CAST: variants seen among roughly 807,000 people sequenced by gnomAD.
CAST encodes the protein MIR583 host.
In CAST, 76 loss-of-function variants were observed where a neutral mutation model predicts 119.6. The ratio of observed to expected loss-of-function variants is 0.64; its 90% CI spans 0.53 to 0.77. The LOEUF (loss-of-function observed/expected upper bound fraction) is 0.77, where lower values mean the gene tolerates loss of function less well. Ranked by LOEUF, CAST falls within the 30% of genes least tolerant of loss-of-function variation. The pLI, the probability that CAST is intolerant of heterozygous loss-of-function variation, is 0.00. For missense variants in CAST, 953 were observed against 946.5 expected (o/e 1.01, Z -0.09); for synonymous variants, 319 against 331.6 (o/e 0.96, Z 0.41).
chr5:96,108,753 C>G, the CAST span, among the ~76,000 whole-genome samples: 5 of 152,242 alleles, frequency 3.3e-5, no homozygotes, highest in South Asian at 4.1e-4. Context: ...GGGCTCCACC[C>G]AGTTGGAGCT....
At chr5:96,701,805 CAAA>C (rs1259689905) in intron 3 of CAST, among the ~76,000 whole-genome samples, 1 of 123,610 alleles carries the variant, frequency 8.1e-6, no homozygotes. Context: ...AATCCCACCT[CAAA>C]AAAAAAAAAA....
the CAST span, among the ~76,000 whole-genome samples, chr5:96,498,201 G>A: frequency 4.6e-5 from 7 of 152,006 alleles, no homozygotes; most frequent in Admixed American, 2.0e-4. Context: ...TGAGGGCTCT[G>A]TTCTGTTCCA....
At chr5:95,996,409 T>C in the CAST span, among the ~76,000 whole-genome samples, 114 of 152,332 alleles carry the variant, frequency 7.5e-4, no homozygotes, top group Middle Eastern at 3.4e-3. Context: ...TCATCCTCCT[T>C]TGTGCCCACC....
At chr5:96,551,216 C>A (rs1269207950) in intron 1 of CAST, among the ~76,000 whole-genome samples, 6 of 152,250 alleles carry the variant, frequency 3.9e-5, no homozygotes, top group Admixed American at 2.0e-4. Flanking sequence ...AACAGCAGAT[C>A]TCTCTGCAGA....
At chr5:96,207,282 A>C in the CAST span, among the ~76,000 whole-genome samples, 1 of 151,986 alleles carries the variant, frequency 6.6e-6, no homozygotes, top group Non-Finnish European at 1.5e-5. Context: ...TCCTATTTGG[A>C]TGCCTTTTAT....
chr5:96,003,819 G>A, the CAST span, among the ~76,000 whole-genome samples: 1 of 152,180 alleles, frequency 6.6e-6, no homozygotes, highest in African/African-American at 2.4e-5. Context: ...CATTTCCCTT[G>A]TATAGAACAT....
the CAST span, among the ~76,000 whole-genome samples, chr5:96,485,401 C>A: frequency 6.6e-6 from 1 of 152,058 alleles, no homozygotes; most frequent in East Asian, 1.9e-4. Context: ...CTCCCTGATG[C>A]CTAAGATTCT....
intron 1 of CAST, among the ~76,000 whole-genome samples, chr5:96,557,921 C>A (rs547575788): frequency 6.6e-6 from 1 of 152,140 alleles, no homozygotes. Flanking sequence ...AGCACCACAC[C>A]ACACCTATTC....
chr5:96,376,150 A>G, the CAST span, among the ~76,000 whole-genome samples: 1 of 151,100 alleles, frequency 6.6e-6, no homozygotes. Flanking sequence ...AATGCATAAC[A>G]ACATTTCAGC....
chr5:96,620,236 A>G (rs1225324980), intron 1 of CAST, among the ~76,000 whole-genome samples: 7 of 151,672 alleles, frequency 4.6e-5, no homozygotes, highest in Non-Finnish European at 1.0e-4. Context: ...TATCAGGAGT[A>G]GGAGGACAGC....
intron 24 of CAST, among the ~76,000 whole-genome samples, chr5:96,758,603 T>C (rs1581322952): frequency 6.6e-6 from 1 of 152,236 alleles, no homozygotes; most frequent in South Asian, 2.1e-4. Context: ...AGTTGGAGAA[T>C]AGACAGAATG....
chr5:96,414,096 G>A, the CAST span, among the ~76,000 whole-genome samples: 7 of 142,504 alleles, frequency 4.9e-5, no homozygotes, highest in South Asian at 4.5e-4. Context: ...CCGAGATCGC[G>A]CCACTGCACT....
At chr5:96,283,129 C>CAAAAAAA in the CAST span, among the ~76,000 whole-genome samples, 1 of 24,304 alleles carries the variant, frequency 4.1e-5, no homozygotes, top group South Asian at 1.0e-3. Context: ...GACTCCGTCT[C>CAAAAAAA]AAAAAAAAAA....
At chr5:96,491,490 CAAAAAAAAAAAAAAAAAAAAAAAA>C in the CAST span, among the ~76,000 whole-genome samples, 1 of 56,782 alleles carries the variant, frequency 1.8e-5, no homozygotes, top group Non-Finnish European at 3.6e-5. Context: ...GACTCCATCT[CAAAAAAAAAAAAAAAAAAAAAAAA>C]AAAAAAAAAA....
the CAST span, among the ~76,000 whole-genome samples, chr5:96,403,622 A>G: frequency 1.3e-5 from 2 of 152,254 alleles, no homozygotes; most frequent in African/African-American, 4.8e-5. Flanking sequence ...ATATGTTTAC[A>G]GAAAATAAGG....
chr5:96,545,704 C>T (rs1445057905), intron 1 of CAST, among the ~76,000 whole-genome samples: 2 of 152,198 alleles, frequency 1.3e-5, no homozygotes, highest in African/African-American at 2.4e-5. Flanking sequence ...TAGCCTCTAT[C>T]CATATCACCA....
At chr5:95,963,465 T>C in the CAST span, among the ~76,000 whole-genome samples, 9 of 152,246 alleles carry the variant, frequency 5.9e-5, no homozygotes, top group Admixed American at 2.0e-4. Flanking sequence ...TCCACTAAGA[T>C]TGGCTAGCTG....
At chr5:96,520,843 C>T (rs1028390278), upstream of CAST, among the ~76,000 whole-genome samples, 2 of 152,068 alleles carry the variant, frequency 1.3e-5, no homozygotes, top group Non-Finnish European at 2.9e-5. Flanking sequence ...CATTCCAGAC[C>T]CTGAATGGAG....
At chr5:96,309,154 C>T in the CAST span, among the ~76,000 whole-genome samples, 1 of 152,208 alleles carries the variant, frequency 6.6e-6, no homozygotes, top group African/African-American at 2.4e-5. Flanking sequence ...AGATGCACTG[C>T]CCAGAGAGGA....
Sources: allele counts gnomAD v4.1 joint callset (sites outside exome capture counted in the v4.1 genomes callset), GRCh38; gene constraint gnomAD v4.1.1; transcripts MANE v1.5; gene names NCBI Gene and HGNC (gene_info 2026-07-23, HGNC 2026-07-21).